The following DEUP1 variants were observed in gnomAD, a reference collection of about 807,000 sequenced individuals.
DEUP1 encodes the protein deuterosome assembly protein 1.
In DEUP1, 82 loss-of-function variants were observed where a neutral mutation model predicts 87.4. That is an observed-to-expected ratio of 0.94 (90% confidence interval 0.78 to 1.13). The LOEUF (loss-of-function observed/expected upper bound fraction) is 1.13, where lower values mean the gene tolerates loss of function less well. DEUP1 is among the 50% of genes most tolerant of loss of function. The pLI, the probability that DEUP1 is intolerant of heterozygous loss-of-function variation, is 0.00. For missense variants in DEUP1, 663 were observed against 681.5 expected (o/e 0.97, Z 0.30); for synonymous variants, 214 against 222.7 (o/e 0.96, Z 0.35).
At chr11:93,351,070 T>C (rs1481059488) in intron 2 of DEUP1, among the ~76,000 whole-genome samples, 1 of 148,844 alleles carries the variant, frequency 6.7e-6, no homozygotes, top group Non-Finnish European at 1.5e-5. Flanking sequence ...TTTATATATA[T>C]TATATATGCT....
In DEUP1 at chr11:93,398,463, TA is replaced by T. The variant is rs1947009527; in HGVS notation, c.1326+2139del. Among the ~76,000 whole-genome samples the T allele has an allele frequency of 2.0e-5, 3 of 152,180 alleles. 1 individual carries two copies. Among genetic ancestry groups the T allele is most frequent in the African/African-American group, 7.2e-5 (3 of 41,452 alleles). On this transcript the variant is annotated intron_variant, in intron 11 of 13. Coordinates refer to ENST00000298050, the MANE Select transcript of DEUP1 (RefSeq NM_181645.4). The stretch of plus-strand genomic sequence containing the variant: ...ATATGTGTGTTTTAATTTTAATAGC[TA>T]TTGTTAAATCATATGTCTACCATCT...
At chr11:93,343,685 TA>T (rs1412327855) in intron 2 of DEUP1, among the ~76,000 whole-genome samples, 2 of 152,130 alleles carry the variant, frequency 1.3e-5, no homozygotes, top group Non-Finnish European at 2.9e-5. Flanking sequence ...TTTTAGAACA[TA>T]AAAAAATGCA....
intron 7 of DEUP1, among the ~76,000 whole-genome samples, chr11:93,372,557 C>A (rs1945793419): frequency 6.6e-6 from 1 of 152,136 alleles, no homozygotes; most frequent in South Asian, 2.1e-4. Context: ...GGGAGTTAGT[C>A]CTTTAACTTC....
intron 4 of DEUP1, among the ~76,000 whole-genome samples, chr11:93,359,879 T>C (rs928638465): frequency 1.3e-5 from 2 of 152,192 alleles, no homozygotes; most frequent in African/African-American, 4.8e-5. Context: ...CTTTCCTGGG[T>C]AATGTCTGAG....
rs146804423 is a variant in DEUP1, at chr11:93,340,767, G to A, written c.29+8479G>A. The stretch of plus-strand genomic sequence containing the variant: ...GTGAGAAGATGATGAACAAAGGATG[G>A]TCCAAAGACTTTTGGCCTAACAGCT... On this transcript the variant is annotated intron_variant, in intron 2 of 13. Transcript: ENST00000298050. Among the ~76,000 whole-genome samples, 480 of 152,274 alleles carry A rather than the reference G, an allele frequency of 3.2e-3. 2 individuals carry two copies. The highest frequency in any genetic ancestry group is 0.01 in the Middle Eastern group (3 of 294).
intron 13 of DEUP1, among the ~76,000 whole-genome samples, chr11:93,427,519 A>AG (rs1392789105): frequency 2.0e-5 from 3 of 152,004 alleles, no homozygotes; most frequent in Non-Finnish European, 2.9e-5. Flanking sequence ...AACCATAAAA[A>AG]CCCTAGAAGA....
intron 9 of DEUP1, among the ~76,000 whole-genome samples, chr11:93,389,637 T>C (rs1456236): frequency 0.34 from 51,338 of 152,050 alleles, 9,471 homozygotes; most frequent in African/African-American, 0.48. Context: ...GAAATAGGTC[T>C]TAATATTACC....
chr11:93,373,315 C>T (rs1945829846), intron 7 of DEUP1, among the ~76,000 whole-genome samples: 1 of 151,998 alleles, frequency 6.6e-6, no homozygotes, highest in African/African-American at 2.4e-5. Flanking sequence ...GAACAGTTTA[C>T]ACTGTACCCA....
intron 2 of DEUP1, among the ~76,000 whole-genome samples, chr11:93,338,102 G>A (rs979098731): frequency 8.5e-5 from 13 of 152,092 alleles, no homozygotes; most frequent in Admixed American, 3.3e-4. Flanking sequence ...TGATGAGTGC[G>A]TTTGTTCTCT....
At chr11:93,368,505 G>A (rs1228113179) in intron 5 of DEUP1, among the ~76,000 whole-genome samples, 2 of 152,176 alleles carry the variant, frequency 1.3e-5, no homozygotes, top group East Asian at 3.9e-4. Context: ...AGAAGGCAAA[G>A]GGGAAGCAAG....
chr11:93,431,778 G>A (rs1444150986), intron 13 of DEUP1, among the ~76,000 whole-genome samples: 1 of 152,074 alleles, frequency 6.6e-6, no homozygotes, highest in African/African-American at 2.4e-5. Context: ...GACCAGACTT[G>A]ACAATGAATT....
chr11:93,343,120 G>A lies in DEUP1; in HGVS notation c.29+10832G>A, dbSNP rs184507350. Among the ~76,000 whole-genome samples the A allele has an allele frequency of 4.2e-3, 633 of 152,272 alleles. 6 individuals carry two copies. Among genetic ancestry groups the A allele is most frequent in the Non-Finnish European group, 3.9e-3 (264 of 68,022 alleles). On this transcript the variant is annotated intron_variant, in intron 2 of 13. Coordinates refer to ENST00000298050, the MANE Select transcript of DEUP1 (RefSeq NM_181645.4). ...AGATACACAATTAGAAGTTATCAGA[G>A]CTAGCTGGCATAAGAATGAGGTTCA...
At chr11:93,402,534 T>C (rs1015058346) in intron 11 of DEUP1, among the ~76,000 whole-genome samples, 2 of 152,042 alleles carry the variant, frequency 1.3e-5, no homozygotes, top group African/African-American at 2.4e-5. Context: ...GGAATCAATA[T>C]ATAAAAGAGA....
chr11:93,390,730 G>A lies in DEUP1; in HGVS notation c.1041+1605G>A, dbSNP rs186989349. On this transcript the variant is annotated intron_variant, in intron 9 of 13. Transcript: ENST00000298050. ...GCACAGAATTCTTTATAGACCCTTG[G>A]AGGCCACTAAATACCAGAATGCTGT... 2.8e-4 allele frequency among the ~76,000 whole-genome samples: 42 copies of A among 152,122 alleles called. No individual in the cohort carries two copies. The East Asian group carries it at 7.3e-3, about 27-fold the overall frequency.
At chr11:93,409,793 T>C (rs1478249091) in intron 12 of DEUP1, among the ~76,000 whole-genome samples, 1 of 152,202 alleles carries the variant, frequency 6.6e-6, no homozygotes, top group Non-Finnish European at 1.5e-5. Context: ...TCATAAGGAT[T>C]ATAGGAGAAA....
chr11:93,360,065 T>A (rs555648506), intron 4 of DEUP1, among the ~76,000 whole-genome samples: 10 of 152,240 alleles, frequency 6.6e-5, no homozygotes, highest in Admixed American at 6.5e-5. Context: ...TCACCACTGC[T>A]TAGTGGTGAC....
At position 93,355,318 on chromosome 11, in the gene DEUP1, TGCCCTCACA is replaced by T; in HGVS notation, c.30-52_30-44del. On this transcript the variant is annotated intron_variant, in intron 2 of 13. Transcript: ENST00000298050. ...TGCAGAGCAATGTAATAATTTTTTT[TGCCCTCACA>T]TTTCACTACTTTAAAATGTATTTTA... 15 of 1,511,084 alleles carry T rather than the reference TGCCCTCACA, an allele frequency of 9.9e-6. No individual in the cohort carries two copies. In the Admixed American group the frequency reaches 1.1e-4, roughly 12 times the overall value. The allele number at this position is 1,511,084 out of a possible 1,614,324, so 93.6% of individuals were successfully genotyped here. A position where few individuals can be genotyped will look rare whatever the true frequency, so the allele number is the denominator to read the frequency against.
intron 4 of DEUP1, among the ~76,000 whole-genome samples, chr11:93,358,210 TG>T (rs1196320103): frequency 3.8e-4 from 58 of 152,300 alleles, no homozygotes; most frequent in African/African-American, 1.3e-3. Flanking sequence ...CATTTCTGTT[TG>T]GGTATGTTTT....
intron 4 of DEUP1, among the ~76,000 whole-genome samples, chr11:93,361,586 T>C (rs1213133721): frequency 1.3e-5 from 2 of 152,042 alleles, no homozygotes; most frequent in Admixed American, 1.3e-4. Flanking sequence ...TGATAAATTA[T>C]GTAAATATAG....
Sources: allele counts gnomAD v4.1 joint callset (sites outside exome capture counted in the v4.1 genomes callset), GRCh38; gene constraint gnomAD v4.1.1; transcripts MANE v1.5; gene names NCBI Gene and HGNC (gene_info 2026-07-23, HGNC 2026-07-21).